SLC26A4: variants seen among roughly 807,000 people sequenced by gnomAD.
SLC26A4 encodes the protein pendrin.
Under a neutral mutation model 90.4 loss-of-function variants are expected in SLC26A4, and 93 were observed. The observed-to-expected ratio is 1.03, with a 90% CI of 0.87 to 1.22. The LOEUF is 1.22. Ranked by LOEUF, SLC26A4 falls within the 50% of genes most tolerant of loss-of-function variation. The pLI is 0.00. For missense variants in SLC26A4, 1,127 were observed against 946.2 expected, an observed-to-expected ratio of 1.19 and a Z score of -2.51; for synonymous variants, 393 against 354.6, an observed-to-expected ratio of 1.11 and a Z score of -1.22.
Position 107,702,110 on chromosome 7 carries a change from T to C in SLC26A4, c.2034+53T>C, listed in dbSNP as rs143022143. Reference sequence around the variant, plus strand: ...ATTTGGAGCTTTGGCAATAGTAAAATGATGTGGGTTGTCCAGTATTGCAAC... The same window carrying C: ...ATTTGGAGCTTTGGCAATAGTAAAACGATGTGGGTTGTCCAGTATTGCAAC... On this transcript the variant is annotated intron_variant, in intron 17 of 20. Transcript: ENST00000644269. 1.0e-3 allele frequency: 1,203 copies of C among 1,164,628 alleles called. 14 individuals carry two copies. In the African/African-American group the frequency reaches 0.016, roughly 15 times the overall value. 72.1% of individuals were successfully genotyped at this position (1,164,628 alleles called of 1,614,324 possible).
Position 107,671,937 on chromosome 7 carries a change from C to A in SLC26A4, c.305-201C>A, listed in dbSNP as rs117441767. ...TATTTTATAATAAAGTATTGAATAT[C>A]TCATGTAGTTTACTGAATAATGTAC... On this transcript the variant is annotated intron_variant, in intron 3 of 20. Coordinates refer to ENST00000644269, the MANE Select transcript of SLC26A4 (RefSeq NM_000441.2). Among the ~76,000 whole-genome samples, 2,224 of 152,234 alleles carry A rather than the reference C, an allele frequency of 0.015. 25 individuals carry two copies. The highest frequency in any genetic ancestry group is 0.022 in the Non-Finnish European group (1,469 of 68,014).
Position 107,702,030 on chromosome 7 carries a change from C to A in SLC26A4, c.2007C>A (p.Asp669Glu), listed in dbSNP as rs749013429. The A allele has an allele frequency of 6.2e-7, 1 of 1,613,128 alleles. No individual in the cohort carries two copies. Among genetic ancestry groups the A allele is most frequent in the African/African-American group, 1.3e-5 (1 of 74,854 alleles). ...ACTGTGGAGCTATATCTTTCCTGGA[C>A]GTTGTTGGAGTGAGATCACTGCGGG... is the stretch of plus-strand genomic sequence containing the variant. Reference protein sequence around the residue: ...VLDCGAISFLDVVGVRSLRVI... With the variant: ...VLDCGAISFLEVVGVRSLRVI... The change falls in exon 17 of 21, where the codon GAC becomes GAA. Residue 669 changes from aspartate to glutamate, a missense_variant. Transcript: ENST00000644269.
chr7:107,695,828 AT>A, intron 12 of SLC26A4, 104 bp from the exon 13 acceptor site: 1 of 777,614 alleles, frequency 1.3e-6, no homozygotes, highest in South Asian at 1.4e-5. Context: ...AAAAAAAAAA[AT>A]GTAATTTGTT....
At chr7:107,685,483 C>T (rs755470024) in intron 8 of SLC26A4, among the ~76,000 whole-genome samples, 6 of 152,128 alleles carry the variant, frequency 3.9e-5, no homozygotes, top group Non-Finnish European at 5.9e-5. Flanking sequence ...GGCTGCTGCT[C>T]GTAGTTCCCT....
intron 9 of SLC26A4, among the ~76,000 whole-genome samples, chr7:107,689,536 T>A (rs116411173): frequency 0.013 from 1,991 of 152,308 alleles, 41 homozygotes; most frequent in African/African-American, 0.046. Flanking sequence ...ACGGCAGTTA[T>A]AATGTGACAA....
chr7:107,683,824 CATT>C (rs1791323285), intron 8 of SLC26A4, among the ~76,000 whole-genome samples: 1 of 152,134 alleles, frequency 6.6e-6, no homozygotes, highest in Non-Finnish European at 1.5e-5. Context: ...TTATACATAA[CATT>C]ATAATATAAT....
At chr7:107,686,298 T>G (rs1334786382) in intron 8 of SLC26A4, among the ~76,000 whole-genome samples, 730 of 42,698 alleles carry the variant, frequency 0.017, 17 homozygotes, top group African/African-American at 0.054. Flanking sequence ...TTTCCTACCT[T>G]CCCTCCCTTC....
At chr7:107,683,412 A>T (rs1317563797) in intron 7 of SLC26A4, 43 bp from the exon 8 acceptor site, 2 of 1,609,490 alleles carry the variant, frequency 1.2e-6, no homozygotes, top group Non-Finnish European at 1.7e-6. Flanking sequence ...ACAAGGAATT[A>T]TTAAAACCAA....
chr7:107,690,082 G>T (rs765418829), intron 9 of SLC26A4, 42 bp from the exon 10 acceptor site: 8 of 1,159,508 alleles, frequency 6.9e-6, no homozygotes, highest in Non-Finnish European at 9.2e-6. Context: ...GTCTTGCAAA[G>T]ATTCAATTTG....
intron 20 of SLC26A4, 92 bp from the exon 21 acceptor site, chr7:107,715,331 C>A: frequency 2.0e-6 from 2 of 993,366 alleles, no homozygotes; most frequent in South Asian, 1.3e-5. Context: ...AGTAAGCAAT[C>A]AATACTATAA....
chr7:107,701,917 A>G lies in SLC26A4; in HGVS notation c.1894A>G (p.Lys632Glu). 1 of 1,613,362 alleles carries G rather than the reference A, an allele frequency of 6.2e-7. No individual in the cohort carries two copies. Among genetic ancestry groups the G allele is most frequent in the Non-Finnish European group, 8.5e-7 (1 of 1,179,250 alleles). ...EDLEELDIPT[K>E]EIEIQVDWNS... ...TCTGGAGGAACTTGATATCCCAACC[A>G]AGGAAATAGAGATTCAAGTGGATTG... The change falls in exon 17 of 21, where the codon AAG (lysine) becomes GAG (glutamate). Residue 632 changes from lysine to glutamate, a missense_variant. Coordinates refer to ENST00000644269, the MANE Select transcript of SLC26A4 (RefSeq NM_000441.2).
rs1240479416 is a variant in SLC26A4 at position 107,700,069 on chromosome 7, T to G, written c.1615-14T>G. On this transcript the variant is annotated splice_polypyrimidine_tract_variant and intron_variant, in intron 14 of 20. Transcript: ENST00000644269. ...TGAAATTATTTAATCCCAGACAATT[T>G]CTTTTAATGCCAGATTGAAGAACCT... is the stretch of plus-strand genomic sequence containing the variant. The G allele has an allele frequency of 2.1e-6, 3 of 1,407,718 alleles. No individual in the cohort carries two copies. In the East Asian group the frequency reaches 6.8e-5, roughly 32 times the overall value. The allele number at this position is 1,407,718 out of a possible 1,614,324, so 87.2% of individuals were successfully genotyped here. A position where few individuals can be genotyped will look rare whatever the true frequency, so the allele number is the denominator to read the frequency against.
Position 107,694,627 on chromosome 7 carries a change from T to C in SLC26A4, c.1348T>C (p.Leu450=), listed in dbSNP as rs781023703. The C allele has an allele frequency of 6.2e-7, 1 of 1,612,660 alleles. No homozygotes were observed. The highest frequency in any genetic ancestry group is 2.2e-5 in the East Asian group (1 of 44,884). The change falls in exon 12 of 21, where the codon TTG becomes CTG. Residue 450 remains leucine (L), a synonymous_variant. Transcript: ENST00000644269. ...TCTCTGTCTCTCTTGGCAGTCGGTC[T>C]TGGCAGCTGTTGTAATTGCCAACCT... The part of the protein sequence containing the change: ...KLLEPLQKSV[L]AAVVIANLKG...
At chr7:107,709,120 G>A (rs901154979) in intron 18 of SLC26A4, among the ~76,000 whole-genome samples, 17 of 152,178 alleles carry the variant, frequency 1.1e-4, no homozygotes, top group South Asian at 6.2e-4. Context: ...GAAGTCCAGC[G>A]TAGATCCCTG....
In SLC26A4 at chr7:107,698,048, T is replaced by A. The variant is rs1791788000; in HGVS notation, c.1551T>A (p.Ser517=). ...TTGATATTTTTTCTTCTAGTCCTTC[T>A]TGGAATGGCCTTGGAAGCATCCCTA... is the stretch of plus-strand genomic sequence containing the variant. ...LTVVLRVQFP[S]WNGLGSIPST... The change falls in exon 14 of 21, where the codon TCT becomes TCA. Residue 517 remains serine (S), a synonymous_variant. Transcript: ENST00000644269. 1 of 1,605,808 alleles carries A rather than the reference T, an allele frequency of 6.2e-7. No individual in the cohort carries two copies. Among genetic ancestry groups the A allele is most frequent in the African/African-American group, 1.3e-5 (1 of 74,758 alleles).
At chr7:107,668,566 A>G (rs1030679570) in intron 3 of SLC26A4, among the ~76,000 whole-genome samples, 3 of 152,204 alleles carry the variant, frequency 2.0e-5, no homozygotes, top group South Asian at 2.1e-4. Context: ...GAAGCCAGGA[A>G]GTTGCTAAGG....
At chr7:107,705,642 G>T (rs1562841489) in intron 18 of SLC26A4, among the ~76,000 whole-genome samples, 3 of 151,894 alleles carry the variant, frequency 2.0e-5, no homozygotes, top group African/African-American at 7.3e-5. Context: ...TCCATGACTG[G>T]TTAAATTAAA....
At chr7:107,713,510 CA>C (rs1436234337) in intron 20 of SLC26A4, among the ~76,000 whole-genome samples, 4 of 152,300 alleles carry the variant, frequency 2.6e-5, no homozygotes, top group Admixed American at 2.0e-4. Context: ...CTCATGTCTC[CA>C]GCAGACTCTC....
intron 18 of SLC26A4, among the ~76,000 whole-genome samples, chr7:107,707,115 T>C (rs559311517): frequency 6.6e-6 from 1 of 152,216 alleles, no homozygotes; most frequent in African/African-American, 2.4e-5. Flanking sequence ...CCAACCTGGG[T>C]GACAGAGTGA....
Sources: gnomAD v4.1 joint callset for allele counts (sites outside exome capture counted in the v4.1 genomes callset) on GRCh38, gnomAD v4.1.1 for gene constraint, MANE v1.5 for transcripts, NCBI Gene and HGNC (gene_info 2026-07-23, HGNC 2026-07-21) for gene names.